The following VPS16 variants were observed in gnomAD, a reference collection of about 807,000 sequenced individuals.
VPS16 encodes VPS16 core subunit of CORVET and HOPS complexes, also known as vacuolar protein sorting-associated protein 16 homolog.
A neutral mutation model predicts 116.0 loss-of-function variants in VPS16; 82 were observed. The observed-to-expected ratio is 0.71, with a 90% CI of 0.59 to 0.85. VPS16 has a LOEUF of 0.85. Among genes scored for constraint, VPS16 ranks in the 40% least tolerant of loss-of-function variants. The probability of loss-of-function intolerance (pLI) is 0.00; values close to 1 mark genes in which losing one functional copy is unlikely to be tolerated. For synonymous variants in VPS16, 406 were observed against 420.7 expected (o/e 0.96, Z 0.43); for missense variants, 928 against 1,090.6 (o/e 0.85, Z 2.10).
At chr20:2,858,469 C>G (rs1599993555) in intron 1 of VPS16, among the ~76,000 whole-genome samples, 2 of 152,112 alleles carry the variant, frequency 1.3e-5, no homozygotes, top group African/African-American at 4.8e-5. Context: ...GCTCCTTCAT[C>G]AAAATATAAA....
At chr20:2,850,654 T>C (rs1182031001) in intron 1 of VPS16, among the ~76,000 whole-genome samples, 1 of 151,078 alleles carries the variant, frequency 6.6e-6, no homozygotes, top group Admixed American at 6.6e-5. Flanking sequence ...AAGAAAAAAA[T>C]TATTTAACTG....
Position 2,861,595 on chromosome 20 carries a change from T to A in VPS16, c.810-20T>A. 1 of 1,598,404 alleles carries A rather than the reference T, an allele frequency of 6.3e-7. No homozygotes were observed. Among genetic ancestry groups the A allele is most frequent in the Non-Finnish European group, 8.5e-7 (1 of 1,173,246 alleles). On this transcript the variant is annotated intron_variant, in intron 8 of 23. Coordinates refer to ENST00000380445, the MANE Select transcript of VPS16 (RefSeq NM_022575.4). ...TGGCCATGGGACAGTGTCTAGCCAG[T>A]GTGTATATGCTGCTCACAGGTGCAG...
Position 2,863,976 on chromosome 20 carries a change from G to T in VPS16, c.1504G>T (p.Asp502Tyr), listed in dbSNP as rs1262914352. Reference sequence around the variant, plus strand: ...GCAACAGAAGGATGTCTCAGATGAGGATGTGGCTCGAGCCATTAACCAGAA... The same window carrying T: ...GCAACAGAAGGATGTCTCAGATGAGTATGTGGCTCGAGCCATTAACCAGAA... Reference protein sequence around the residue: ...KVQQKDVSDEDVARAINQKLG... With the variant: ...KVQQKDVSDEYVARAINQKLG... Residue 502 changes from aspartate to tyrosine, a missense_variant, in exon 16 of 24, where the codon GAT becomes TAT. Physicochemically the swap from Asp to Tyr is radical, Grantham distance 160. Transcript: ENST00000380445. This position sits in a 1 kb window ranked among gnomAD's most constrained non-coding sequence, Gnocchi z 4.4. 5.6e-6 allele frequency: 9 copies of T among 1,613,498 alleles called. No homozygotes were observed. In the East Asian group the frequency reaches 2.0e-4, roughly 36 times the overall value.
intron 8 of VPS16, 78 bp downstream of exon 8, chr20:2,861,358 T>A: frequency 1.2e-6 from 2 of 1,600,120 alleles, no homozygotes; most frequent in Non-Finnish European, 8.6e-7. Flanking sequence ...CCTTGATTCG[T>A]CATGTCTACT....
At chr20:2,859,663 A>G (rs2089206081) in intron 1 of VPS16, 56 bp from the exon 2 acceptor site, 3 of 1,573,938 alleles carry the variant, frequency 1.9e-6, no homozygotes, top group Non-Finnish European at 2.6e-6. Context: ...TCTGGGGTTC[A>G]CTCCATACGG....
At chr20:2,856,951 T>C (rs548328617) in intron 1 of VPS16, among the ~76,000 whole-genome samples, 3 of 150,416 alleles carry the variant, frequency 2.0e-5, no homozygotes, top group Admixed American at 6.7e-5. Flanking sequence ...CTTTTTCCCC[T>C]ATATGAACTT....
chr20:2,860,206 G>A lies in VPS16; in HGVS notation c.241-33G>A, dbSNP rs539294959. 3 of 1,613,986 alleles carry A rather than the reference G, an allele frequency of 1.9e-6. No individual in the cohort carries two copies. In the African/African-American group the frequency reaches 4.0e-5, roughly 22 times the overall value. On this transcript the variant is annotated intron_variant, in intron 3 of 23. Coordinates refer to ENST00000380445, the MANE Select transcript of VPS16 (RefSeq NM_022575.4). The surrounding 1 kb of genome is among the most constrained non-coding windows in gnomAD (Gnocchi z 6.1). ...AGGGCTGGACAGGGTTTCCTCACCT[G>A]AGGACAGCCTTAGGAACCTCTCTCC...
intron 1 of VPS16, among the ~76,000 whole-genome samples, chr20:2,850,394 C>T (rs1199333839): frequency 6.6e-6 from 1 of 152,082 alleles, no homozygotes; most frequent in East Asian, 1.9e-4. Flanking sequence ...TTTGAGAGGC[C>T]GAGGTGAGCA....
chr20:2,855,648 G>T (rs979435455), intron 1 of VPS16, among the ~76,000 whole-genome samples: 1 of 152,194 alleles, frequency 6.6e-6, no homozygotes, highest in Admixed American at 6.5e-5. Context: ...CTTTGTCAAT[G>T]ATCTTCGCTA....
intron 1 of VPS16, 82 bp downstream of exon 1, chr20:2,840,909 T>C (rs952947429): frequency 8.5e-7 from 1 of 1,176,728 alleles, no homozygotes; most frequent in Non-Finnish European, 1.1e-6. Flanking sequence ...CGTTCGCCCC[T>C]GTCACTACTG....
At chr20:2,862,440 G>A (rs1427093797) in intron 11 of VPS16, 139 bp from the exon 12 acceptor site, 14 of 1,457,888 alleles carry the variant, frequency 9.6e-6, no homozygotes, top group African/African-American at 1.4e-5. Flanking sequence ...GGTGGATTGA[G>A]TGGGCTGAGG....
chr20:2,854,918 T>G (rs202240315), intron 1 of VPS16, among the ~76,000 whole-genome samples: 4 of 41,882 alleles, frequency 9.6e-5, no homozygotes, highest in Non-Finnish European at 1.4e-4. Context: ...TACATCTCCA[T>G]CAGAGTTTTT....
chr20:2,866,261 A>G lies in VPS16; in HGVS notation c.2321A>G (p.Lys774Arg). 6.2e-7 allele frequency: 1 copy of G among 1,614,130 alleles called. No homozygotes were observed. The highest frequency in any genetic ancestry group is 8.5e-7 in the Non-Finnish European group (1 of 1,180,020). The change falls in exon 23 of 24, where the codon AAG becomes AGG. Residue 774 changes from lysine (K) to arginine (R), a missense_variant. By Grantham distance (26) the Lys-to-Arg change is conservative. Coordinates refer to ENST00000380445, the MANE Select transcript of VPS16 (RefSeq NM_022575.4). ...CAACATAACAAATACGAAGCCAAGAAGTATGCTTCCCGCGTGGGTCCCGAG... is the reference window on the plus strand; with the variant it reads ...CAACATAACAAATACGAAGCCAAGAGGTATGCTTCCCGCGTGGGTCCCGAG... ...MKQHNKYEAK[K>R]YASRVGPEQK...
chr20:2,848,512 A>G (rs11699077), intron 1 of VPS16, among the ~76,000 whole-genome samples: 21,279 of 152,232 alleles, frequency 0.14, 1,680 homozygotes, highest in East Asian at 0.26. Flanking sequence ...ATAACACCAT[A>G]TAATCATCTC....
At chr20:2,852,181 G>C (rs535636746) in intron 1 of VPS16, among the ~76,000 whole-genome samples, 1 of 152,116 alleles carries the variant, frequency 6.6e-6, no homozygotes, top group Non-Finnish European at 1.5e-5. Flanking sequence ...CATGCTTTGC[G>C]GATGTGTGGC....
chr20:2,862,257 G>A, intron 11 of VPS16, 127 bp downstream of exon 11: 1 of 1,206,652 alleles, frequency 8.3e-7, no homozygotes, highest in Non-Finnish European at 1.1e-6. Flanking sequence ...CTGGGCTGGG[G>A]AGGGCTGGCT....
At chr20:2,851,618 C>T (rs1489177310) in intron 1 of VPS16, among the ~76,000 whole-genome samples, 1 of 150,884 alleles carries the variant, frequency 6.6e-6, no homozygotes, top group Non-Finnish European at 1.5e-5. Context: ...GCCGGTATTG[C>T]TCCATTGCAC....
In VPS16 at chr20:2,864,915, C is replaced by T. The variant is rs1365083064; in HGVS notation, c.1927-63C>T. 5.6e-6 allele frequency: 9 copies of T among 1,605,656 alleles called. No homozygotes were observed. The highest frequency in any genetic ancestry group is 4.0e-5 in the African/African-American group (3 of 74,734). ...CAGGGATGGGGGAGAAGACTGTAGC[C>T]TGGGTGAGGAGGGCGAGGGTCCTGC... On this transcript the variant is annotated intron_variant, in intron 19 of 23. Coordinates refer to ENST00000380445, the MANE Select transcript of VPS16 (RefSeq NM_022575.4). This position sits in a 1 kb window ranked among gnomAD's most constrained non-coding sequence, Gnocchi z 5.2.
In VPS16 at chr20:2,864,707, T is replaced by C; in HGVS notation, c.1926+53T>C. ...GTGTGGGGCATGTGGGCTGGGGCTGTTGGTCCGGTTCCTTCAGGAATCTAG... is the reference window on the plus strand; with the variant it reads ...GTGTGGGGCATGTGGGCTGGGGCTGCTGGTCCGGTTCCTTCAGGAATCTAG... On this transcript the variant is annotated intron_variant, in intron 19 of 23. Coordinates refer to ENST00000380445, the MANE Select transcript of VPS16 (RefSeq NM_022575.4). This position sits in a 1 kb window ranked among gnomAD's most constrained non-coding sequence, Gnocchi z 5.2. 6.3e-7 allele frequency: 1 copy of C among 1,577,452 alleles called. No homozygotes were observed. Among genetic ancestry groups the C allele is most frequent in the Non-Finnish European group, 8.7e-7 (1 of 1,151,514 alleles).
Sources: allele counts gnomAD v4.1 joint callset (sites outside exome capture counted in the v4.1 genomes callset), GRCh38; gene constraint gnomAD v4.1.1; non-coding constraint Gnocchi (gnomAD v3.1); transcripts MANE v1.5; gene names NCBI Gene and HGNC (gene_info 2026-07-23, HGNC 2026-07-21).